CERT1: variants seen among roughly 807,000 people sequenced by gnomAD.
CERT1 encodes the protein ceramide transporter 1, also known as ceramide transfer protein.
CERT1 carries 31 observed loss-of-function variants against 87.9 expected under a neutral mutation model. That is an observed-to-expected ratio of 0.35 (90% confidence interval 0.27 to 0.48). The LOEUF (loss-of-function observed/expected upper bound fraction) is 0.48, where lower values mean the gene tolerates loss of function less well. CERT1 is among the 20% of genes least tolerant of loss of function. The pLI is 0.99. For missense variants in CERT1, 487 were observed against 758.0 expected (o/e 0.64, Z 4.20); for synonymous variants, 289 against 250.9 (o/e 1.15, Z -1.44).
intron 2 of CERT1, among the ~76,000 whole-genome samples, chr5:75,478,240 T>C (rs6891949): frequency 6.6e-6 from 1 of 151,438 alleles, no homozygotes; most frequent in Admixed American, 6.6e-5. Context: ...CTTGAACCCT[T>C]AGGGCGGAGG....
chr5:75,472,024 T>C (rs1765735641), intron 2 of CERT1, among the ~76,000 whole-genome samples: 1 of 152,118 alleles, frequency 6.6e-6, no homozygotes, highest in East Asian at 1.9e-4. Context: ...GACTTCAAAA[T>C]ATACTACACA....
chr5:75,437,223 G>A (rs1254406015), intron 3 of CERT1, among the ~76,000 whole-genome samples: 1 of 152,046 alleles, frequency 6.6e-6, no homozygotes, highest in African/African-American at 2.4e-5. Context: ...TTTACTAACG[G>A]TGTCTTCACT....
intron 3 of CERT1, among the ~76,000 whole-genome samples, chr5:75,448,192 A>G (rs1485193550): frequency 3.3e-5 from 5 of 152,174 alleles, no homozygotes; most frequent in Non-Finnish European, 2.9e-5. Context: ...TGAGAATTAA[A>G]TAACACATTA....
intron 11 of CERT1, among the ~76,000 whole-genome samples, chr5:75,398,489 A>G (rs1762344330): frequency 6.6e-6 from 1 of 152,200 alleles, no homozygotes; most frequent in African/African-American, 2.4e-5. Context: ...AAACTGAGTC[A>G]TTCTGACCAG....
chr5:75,429,837 A>C (rs1763793371), intron 3 of CERT1, among the ~76,000 whole-genome samples: 1 of 129,556 alleles, frequency 7.7e-6, no homozygotes, highest in South Asian at 2.7e-4. Flanking sequence ...AAATATAAGA[A>C]AAAATGAAAA....
intron 13 of CERT1, 144 bp downstream of exon 13, chr5:75,385,758 A>G (rs1279343179): frequency 9.6e-6 from 5 of 522,936 alleles, no homozygotes; most frequent in African/African-American, 2.0e-5. Context: ...AGCTCTACAT[A>G]AATGTATTGC....
intron 3 of CERT1, among the ~76,000 whole-genome samples, chr5:75,437,681 G>A (rs760998647): frequency 2.7e-5 from 4 of 150,682 alleles, no homozygotes; most frequent in Non-Finnish European, 5.9e-5. Flanking sequence ...CAGGAGACTC[G>A]CTTGAACCCG....
At chr5:75,437,371 G>T (rs1764140471) in intron 3 of CERT1, among the ~76,000 whole-genome samples, 1 of 152,144 alleles carries the variant, frequency 6.6e-6, no homozygotes, top group African/African-American at 2.4e-5. Flanking sequence ...ATGGGTAACA[G>T]ATAAATGTGG....
intron 2 of CERT1, among the ~76,000 whole-genome samples, chr5:75,497,291 T>C (rs144156604): frequency 5.0e-4 from 76 of 152,312 alleles, no homozygotes; most frequent in Middle Eastern, 6.8e-3. Context: ...AACATAAACA[T>C]TTCACAAAAT....
At chr5:75,411,383 G>A (rs1762930598) in intron 7 of CERT1, among the ~76,000 whole-genome samples, 2 of 152,102 alleles carry the variant, frequency 1.3e-5, no homozygotes, top group Non-Finnish European at 2.9e-5. Context: ...GCATGGTCTC[G>A]GCTCACTGCA....
At chr5:75,425,586 G>T in intron 4 of CERT1, 87 bp from the exon 5 acceptor site, 1 of 1,319,238 alleles carries the variant, frequency 7.6e-7, no homozygotes, top group Non-Finnish European at 1.1e-6. Context: ...AACTTTTAAG[G>T]TCTGCACCTT....
intron 8 of CERT1, among the ~76,000 whole-genome samples, chr5:75,403,751 GT>G (rs1220607388): frequency 6.6e-6 from 1 of 152,230 alleles, no homozygotes. Flanking sequence ...GGGGAATTGT[GT>G]GGGAGACTTC....
chr5:75,447,369 C>G (rs1764588067), intron 3 of CERT1, among the ~76,000 whole-genome samples: 2 of 151,876 alleles, frequency 1.3e-5, no homozygotes, highest in Non-Finnish European at 2.9e-5. Flanking sequence ...AAAAGGTACA[C>G]AGAAGAGAAA....
chr5:75,385,833 G>A, intron 13 of CERT1, 69 bp downstream of exon 13: 1 of 1,217,018 alleles, frequency 8.2e-7, no homozygotes, highest in African/African-American at 1.6e-5. Flanking sequence ...AGGAGATGCA[G>A]AAAACTAGGT....
chr5:75,410,220 T>C (rs1000869048), intron 8 of CERT1, among the ~76,000 whole-genome samples: 14 of 152,204 alleles, frequency 9.2e-5, no homozygotes. Flanking sequence ...GAGATTTTAT[T>C]ACCTGCTTAA....
intron 2 of CERT1, among the ~76,000 whole-genome samples, chr5:75,493,891 A>G (rs1252518028): frequency 1.3e-5 from 2 of 152,074 alleles, no homozygotes; most frequent in African/African-American, 4.8e-5. Context: ...AATGTCTATA[A>G]TTCTACCTTC....
At chr5:75,389,519 A>G in intron 12 of CERT1, 73 bp downstream of exon 12, 5 of 1,100,212 alleles carry the variant, frequency 4.5e-6, no homozygotes, top group South Asian at 1.3e-5. Context: ...ATCCTTATTC[A>G]TATCAATAGT....
intron 13 of CERT1, among the ~76,000 whole-genome samples, chr5:75,385,379 A>G (rs774004787): frequency 6.6e-6 from 1 of 152,232 alleles, no homozygotes; most frequent in Admixed American, 6.5e-5. Context: ...AGGCTGAGGC[A>G]GAAGAATCAC....
intron 2 of CERT1, among the ~76,000 whole-genome samples, chr5:75,490,720 G>A (rs1334087836): frequency 6.6e-6 from 1 of 151,910 alleles, no homozygotes; most frequent in Non-Finnish European, 1.5e-5. Flanking sequence ...GGATGGTCTC[G>A]ATCTCCTGAC....
Sources: allele counts gnomAD v4.1 joint callset (sites outside exome capture counted in the v4.1 genomes callset), GRCh38; gene constraint gnomAD v4.1.1; transcripts MANE v1.5; gene names NCBI Gene and HGNC (gene_info 2026-07-23, HGNC 2026-07-21).